Variants in RORB observed in about 807,000 individuals in gnomAD.
RORB encodes nuclear receptor ROR-beta.
In RORB, 6 loss-of-function variants were observed where a neutral mutation model predicts 59.1. That is an observed-to-expected ratio of 0.10 (90% CI 0.06 to 0.20). The LOEUF is 0.20. Ranked by LOEUF, RORB falls within the 10% of genes least tolerant of loss-of-function variation. The pLI is 1.00. For missense variants in RORB, 320 were observed against 560.5 expected, an observed-to-expected ratio of 0.57 and a Z score of 4.33; for synonymous variants, 215 against 204.5, an observed-to-expected ratio of 1.05 and a Z score of -0.44.
intron 9 of RORB, among the ~76,000 whole-genome samples, chr9:74,682,249 C>T (rs1824558732): frequency 7.5e-6 from 1 of 133,692 alleles, no homozygotes; most frequent in East Asian, 2.2e-4. Context: ...GGTTGTTCCC[C>T]TTCCTGTGTC....
At chr9:74,588,921 G>A (rs1009812586) in intron 1 of RORB, among the ~76,000 whole-genome samples, 2 of 127,510 alleles carry the variant, frequency 1.6e-5, no homozygotes, top group African/African-American at 2.9e-5. Flanking sequence ...ACTTGGCTCT[G>A]ACCATTAAGT....
chr9:74,630,530 G>A (rs955180520), intron 2 of RORB, among the ~76,000 whole-genome samples, 163 bp downstream of exon 2: 1 of 152,052 alleles, frequency 6.6e-6, no homozygotes, highest in Non-Finnish European at 1.5e-5. Context: ...TGATTTTCTG[G>A]TCTTTTGCCT....
intron 1 of RORB, among the ~76,000 whole-genome samples, chr9:74,602,714 C>T (rs555460304): frequency 1.3e-5 from 2 of 152,312 alleles, no homozygotes; most frequent in African/African-American, 4.8e-5. Context: ...AATCCTTTCC[C>T]TGTATCTGGC....
At chr9:74,596,243 G>A (rs1042363516) in intron 1 of RORB, among the ~76,000 whole-genome samples, 2 of 152,116 alleles carry the variant, frequency 1.3e-5, no homozygotes, top group African/African-American at 4.8e-5. Flanking sequence ...GCAGAGGGAA[G>A]AAGAGTCCAG....
At chr9:74,671,997 A>T (rs563487580) in intron 9 of RORB, 96 bp downstream of exon 9, 63 of 645,684 alleles carry the variant, frequency 9.8e-5, no homozygotes, top group Non-Finnish European at 1.7e-4. Flanking sequence ...CAGCAGCAAC[A>T]ATTTCTGAAA....
rs185459878 is a variant in RORB, at chr9:74,556,072, G to A, written c.7+58089G>A. Reference sequence around the variant, plus strand: ...ATCAAGTTTTCTATTGCAAATTGTTGACGTCGTTACTTTCTGCCTTTGTAA... The same window carrying A: ...ATCAAGTTTTCTATTGCAAATTGTTAACGTCGTTACTTTCTGCCTTTGTAA... On this transcript the variant is annotated intron_variant, in intron 1 of 9. Coordinates refer to ENST00000376896, the MANE Select transcript of RORB (RefSeq NM_006914.4). Among the ~76,000 whole-genome samples, 396 of 152,218 alleles carry A rather than the reference G, an allele frequency of 2.6e-3. 6 individuals carry two copies. The highest frequency in any genetic ancestry group is 8.9e-3 in the African/African-American group (370 of 41,538).
rs930994999 is a variant in RORB at position 74,687,487 on chromosome 9, C to T, written c.*1869C>T. ...AGTGTCATCTTTTCCTTTTAGAAAA[C>T]GGAACATTTTCTCACCTCATGATTG... On this transcript the variant is annotated 3_prime_UTR_variant, in exon 10 of 10. Transcript: ENST00000376896. 1.4e-4 allele frequency: 21 copies of T among 152,192 alleles called. No homozygotes were observed. Among genetic ancestry groups the T allele is most frequent in the Middle Eastern group, 3.4e-3 (1 of 294 alleles). The allele number at this position is 152,192 out of a possible 1,614,324, so 9.4% of individuals were successfully genotyped here.
At chr9:74,520,154 A>G (rs941256628) in intron 1 of RORB, among the ~76,000 whole-genome samples, 6 of 151,990 alleles carry the variant, frequency 3.9e-5, no homozygotes, top group African/African-American at 1.4e-4. Context: ...GAAAGAAAAA[A>G]AAAATCAGCG....
Position 74,512,060 on chromosome 9 carries a change from T to A in RORB, c.7+14077T>A, listed in dbSNP as rs146655155. On this transcript the variant is annotated intron_variant, in intron 1 of 9. Coordinates refer to ENST00000376896, the MANE Select transcript of RORB (RefSeq NM_006914.4). ...TTGAGAAAAGAAGAATTCTGCCTTATTAAATTCTTTAACAGTGGATTAATA... is the reference window on the plus strand; with the variant it reads ...TTGAGAAAAGAAGAATTCTGCCTTAATAAATTCTTTAACAGTGGATTAATA... 6.1e-3 allele frequency among the ~76,000 whole-genome samples: 929 copies of A among 152,294 alleles called. 15 individuals are homozygous for A. Among genetic ancestry groups the A allele is most frequent in the African/African-American group, 0.022 (901 of 41,548 alleles).
At chr9:74,542,499 A>G (rs1826424660) in intron 1 of RORB, among the ~76,000 whole-genome samples, 1 of 152,182 alleles carries the variant, frequency 6.6e-6, no homozygotes. Flanking sequence ...GAGCTAGAAA[A>G]TTTAAAAAAC....
At chr9:74,660,565 T>C (rs1824165477) in intron 4 of RORB, 52 bp from the exon 5 acceptor site, 2 of 1,554,728 alleles carry the variant, frequency 1.3e-6, no homozygotes, top group Non-Finnish European at 1.7e-6. Context: ...TAAAAGCTAA[T>C]GAGCAGAGTA....
chr9:74,642,104 T>C (rs1263226197), intron 3 of RORB, among the ~76,000 whole-genome samples: 1 of 152,186 alleles, frequency 6.6e-6, no homozygotes, highest in East Asian at 1.9e-4. Context: ...TGCATTTTTT[T>C]CCACAGGTAA....
At chr9:74,648,847 G>C (rs549419710) in intron 4 of RORB, among the ~76,000 whole-genome samples, 1 of 152,162 alleles carries the variant, frequency 6.6e-6, no homozygotes, top group Non-Finnish European at 1.5e-5. Flanking sequence ...ATTAAAGAGT[G>C]AGCTGCTGTA....
chr9:74,665,435 T>G (rs1685439621), intron 6 of RORB, 53 bp from the exon 7 acceptor site: 2 of 1,087,280 alleles, frequency 1.8e-6, no homozygotes, highest in Middle Eastern at 2.4e-4. Context: ...TCTTTATTAT[T>G]GGATATATAT....
chr9:74,588,477 A>G (rs1404418041), intron 1 of RORB, among the ~76,000 whole-genome samples: 1 of 152,216 alleles, frequency 6.6e-6, no homozygotes, highest in South Asian at 2.1e-4. Flanking sequence ...TACACATAAA[A>G]TAATGATTTT....
intron 4 of RORB, among the ~76,000 whole-genome samples, chr9:74,646,129 C>CA (rs33997487): frequency 6.1e-5 from 9 of 148,418 alleles, no homozygotes; most frequent in East Asian, 6.0e-4. Context: ...TATGTCACAC[C>CA]AAAAAAAAAA....
At chr9:74,507,817 G>T (rs1825889344) in intron 1 of RORB, among the ~76,000 whole-genome samples, 1 of 151,932 alleles carries the variant, frequency 6.6e-6, no homozygotes, top group African/African-American at 2.4e-5. Context: ...AGGAATTAAA[G>T]ACTTTTAAAG....
At chr9:74,662,745 A>G in intron 6 of RORB, 139 bp downstream of exon 6, 1 of 816,740 alleles carries the variant, frequency 1.2e-6, no homozygotes. Context: ...TCCCAAAGGA[A>G]ACTCTCAGTA....
intron 1 of RORB, among the ~76,000 whole-genome samples, chr9:74,512,389 C>G (rs1825951378): frequency 6.6e-6 from 1 of 152,144 alleles, no homozygotes; most frequent in Admixed American, 6.6e-5. Context: ...TCTCAATTTG[C>G]TCATAAGACT....
Sources: allele counts gnomAD v4.1 joint callset (sites outside exome capture counted in the v4.1 genomes callset), GRCh38; gene constraint gnomAD v4.1.1; transcripts MANE v1.5; gene names NCBI Gene and HGNC (gene_info 2026-07-23, HGNC 2026-07-21).